FAT3: variants seen among roughly 807,000 people sequenced by gnomAD.
FAT3 encodes protocadherin Fat 3.
In FAT3, 95 loss-of-function variants were observed where a neutral mutation model predicts 310.2. That is an observed-to-expected ratio of 0.31 (90% CI 0.26 to 0.36). The LOEUF (loss-of-function observed/expected upper bound fraction) is 0.36. FAT3 is among the 10% of genes least tolerant of loss of function. The pLI is 1.00. For synonymous variants in FAT3, 2,314 were observed against 2,192.9 expected, an observed-to-expected ratio of 1.06 and a Z score of -1.54; for missense variants, 5,408 against 5,715.6, an observed-to-expected ratio of 0.95 and a Z score of 1.74.
At chr11:92,491,702 T>C (rs1952602513) in intron 2 of FAT3, among the ~76,000 whole-genome samples, 1 of 152,080 alleles carries the variant, frequency 6.6e-6, no homozygotes, top group Middle Eastern at 3.2e-3. Flanking sequence ...GTAATTCACA[T>C]TAAGAGTAGA....
intron 1 of FAT3, among the ~76,000 whole-genome samples, chr11:92,259,059 A>G (rs537640815): frequency 9.9e-5 from 15 of 152,142 alleles, no homozygotes; most frequent in African/African-American, 3.6e-4. Context: ...AGCTATGGCC[A>G]AGCTAGTTTT....
At chr11:92,852,597 A>G (rs1591815718) in intron 19 of FAT3, among the ~76,000 whole-genome samples, 1 of 152,322 alleles carries the variant, frequency 6.6e-6, no homozygotes, top group South Asian at 2.1e-4. Context: ...ACCTATTAAA[A>G]ACAGAAAGAA....
At chr11:92,601,936 C>T (rs1209833440) in intron 3 of FAT3, among the ~76,000 whole-genome samples, 1 of 151,896 alleles carries the variant, frequency 6.6e-6, no homozygotes, top group African/African-American at 2.4e-5. Flanking sequence ...GTATTTGGGG[C>T]TTTGGAAGAC....
intron 24 of FAT3, among the ~76,000 whole-genome samples, chr11:92,885,273 G>GC (rs1167529892): frequency 6.6e-6 from 1 of 152,128 alleles, no homozygotes; most frequent in East Asian, 1.9e-4. Context: ...CCATCATAGT[G>GC]CCCCCATGTT....
At chr11:92,288,177 T>G (rs1946604990) in intron 1 of FAT3, among the ~76,000 whole-genome samples, 1 of 152,094 alleles carries the variant, frequency 6.6e-6, no homozygotes, top group Non-Finnish European at 1.5e-5. Flanking sequence ...TATGACAACA[T>G]GGATGAACCT....
intron 1 of FAT3, among the ~76,000 whole-genome samples, chr11:92,254,775 G>T (rs2054219): frequency 6.6e-6 from 1 of 151,780 alleles, no homozygotes; most frequent in African/African-American, 2.4e-5. Context: ...GCATGATCTC[G>T]GCTCACTGCA....
At chr11:92,270,372 A>G (rs75964732) in intron 1 of FAT3, among the ~76,000 whole-genome samples, 3,341 of 151,962 alleles carry the variant, frequency 0.022, 133 homozygotes, top group African/African-American at 0.075. Context: ...CATCTAGTCT[A>G]CTGGTTTTAA....
intron 3 of FAT3, among the ~76,000 whole-genome samples, chr11:92,556,047 A>C (rs1181865156): frequency 6.6e-6 from 1 of 152,216 alleles, no homozygotes; most frequent in East Asian, 1.9e-4. Context: ...TGAAGGAAAC[A>C]GTGCTTAATT....
At chr11:92,793,042 A>T in intron 9 of FAT3, 65 bp downstream of exon 9, 3 of 1,497,854 alleles carry the variant, frequency 2.0e-6, no homozygotes, top group Non-Finnish European at 2.7e-6. Flanking sequence ...AGTAGTATTT[A>T]TCACCATGTA....
chr11:92,366,675 T>A (rs995539591), intron 2 of FAT3: 2 of 534,984 alleles, frequency 3.7e-6, no homozygotes, highest in Non-Finnish European at 3.8e-6. Context: ...TGCTTGACAA[T>A]GGTTGGAAGG....
chr11:92,863,134 G>T (rs1364537373), intron 21 of FAT3, among the ~76,000 whole-genome samples: 3 of 151,944 alleles, frequency 2.0e-5, no homozygotes, highest in Middle Eastern at 3.4e-3. Context: ...TGTTTTTTGA[G>T]ATGAGATCTC....
intron 3 of FAT3, among the ~76,000 whole-genome samples, chr11:92,668,568 A>T (rs1205739400): frequency 6.6e-6 from 1 of 152,214 alleles, no homozygotes; most frequent in African/African-American, 2.4e-5. Flanking sequence ...CATCACCTGC[A>T]AGCTGCGTGA....
chr11:92,705,421 G>GTGGTGGTGGTGGTGA (rs1295230602), intron 4 of FAT3, among the ~76,000 whole-genome samples: 12 of 50,966 alleles, frequency 2.4e-4, no homozygotes, highest in African/African-American at 8.4e-4. Context: ...GATGGTGGTA[G>GTGGTGGTGGTGGTGA]TGGTGGTGGT....
intron 2 of FAT3, among the ~76,000 whole-genome samples, chr11:92,503,730 CAT>C (rs201162405): frequency 0.043 from 6,544 of 152,128 alleles, 170 homozygotes; most frequent in East Asian, 0.084. Flanking sequence ...AAAAAATACA[CAT>C]GTCTGGTCTA....
At chr11:92,293,052 G>T (rs139397092) in intron 1 of FAT3, among the ~76,000 whole-genome samples, 3 of 132,150 alleles carry the variant, frequency 2.3e-5, no homozygotes, top group Admixed American at 1.5e-4. Flanking sequence ...AAGGAAGGAA[G>T]GAAGGAAGGA....
intron 3 of FAT3, among the ~76,000 whole-genome samples, chr11:92,527,553 G>A (rs1033969456): frequency 1.3e-5 from 2 of 152,132 alleles, no homozygotes; most frequent in African/African-American, 2.4e-5. Flanking sequence ...GAAGGCTGTT[G>A]GTAAACTACA....
intron 1 of FAT3, among the ~76,000 whole-genome samples, chr11:92,231,166 T>G (rs1440042388): frequency 6.6e-6 from 1 of 152,246 alleles, no homozygotes; most frequent in Non-Finnish European, 1.5e-5. Context: ...GGAGCCTGCA[T>G]GCAGGTGCAC....
At chr11:92,671,199 C>A (rs1411021680) in intron 3 of FAT3, among the ~76,000 whole-genome samples, 1 of 152,042 alleles carries the variant, frequency 6.6e-6, no homozygotes, top group Non-Finnish European at 1.5e-5. Flanking sequence ...CATGCACCAC[C>A]ATGCCCAGCT....
intron 1 of FAT3, among the ~76,000 whole-genome samples, chr11:92,297,460 C>T (rs563247298): frequency 6.6e-6 from 1 of 152,118 alleles, no homozygotes; most frequent in Admixed American, 6.5e-5. Context: ...AATAAAGACT[C>T]ATTATTATTC....
Sources: allele counts gnomAD v4.1 joint callset (sites outside exome capture counted in the v4.1 genomes callset), GRCh38; gene constraint gnomAD v4.1.1; transcripts MANE v1.5; gene names NCBI Gene and HGNC (gene_info 2026-07-23, HGNC 2026-07-21).